Variants in SELENOS observed in about 807,000 individuals in gnomAD.
SELENOS encodes VCP interacting membrane selenoprotein.
SELENOS carries 37 observed loss-of-function variants against 30.2 expected under a neutral mutation model. The observed-to-expected ratio is 1.23, with a 90% confidence interval of 0.94 to 1.61. SELENOS has a LOEUF of 1.61. Among genes scored for constraint, SELENOS ranks in the 40% most tolerant of loss-of-function variants. The pLI is 0.00. For synonymous variants in SELENOS, 119 were observed against 91.6 expected (o/e 1.30, Z -1.71); for missense variants, 289 against 231.8 (o/e 1.25, Z -1.60).
chr15:101,276,389 C>A lies in SELENOS; in HGVS notation c.211+152G>T, dbSNP rs1041048605. ...TCAGCCTCCTGAGCAGCTGGGACTA[C>A]AGGTGCGTGCCGCCACTCCCGGCTA... On this transcript the variant is annotated intron_variant, in intron 2 of 5. Transcript: ENST00000526049. The A allele has an allele frequency of 4.7e-6, 5 of 1,052,746 alleles. No homozygotes were observed. The Admixed American group carries it at 1.7e-4, about 36-fold the overall frequency. The allele number at this position is 1,052,746 out of a possible 1,614,324, so 65.2% of individuals were successfully genotyped here. A position where few individuals can be genotyped will look rare whatever the true frequency, so the allele number is the denominator to read the frequency against.
intron 3 of SELENOS, chr15:101,274,944 G>T: frequency 1.7e-6 from 1 of 577,594 alleles, no homozygotes; most frequent in East Asian, 3.0e-5. Flanking sequence ...ACTCCTGTCA[G>T]GACATTTTTG....
Position 101,276,428 on chromosome 15 carries a change from T to TA in SELENOS, c.211+112dup, listed in dbSNP as rs1567120011. The TA allele has an allele frequency of 3.1e-6, 4 of 1,289,898 alleles. No homozygotes were observed. The African/African-American group carries it at 4.6e-5, about 15-fold the overall frequency. The allele number at this position is 1,289,898 out of a possible 1,614,324, so 79.9% of individuals were successfully genotyped here. A position where few individuals can be genotyped will look rare whatever the true frequency, so the allele number is the denominator to read the frequency against. On this transcript the variant is annotated intron_variant, in intron 2 of 5. Coordinates refer to ENST00000526049, the MANE Select transcript of SELENOS (RefSeq NM_018445.6). ...CACTCCCGGCTATTTTTTTTTTTTTTAAATAGAGACAGGGTCTTCCTGTGT... is the reference window on the plus strand; with the variant it reads ...CACTCCCGGCTATTTTTTTTTTTTTTAAAATAGAGACAGGGTCTTCCTGTGT...
intron 1 of SELENOS, 197 bp downstream of exon 1, chr15:101,277,145 G>T: frequency 1.1e-6 from 1 of 939,670 alleles, no homozygotes; most frequent in Non-Finnish European, 1.7e-6. Context: ...CAGCCGAGCC[G>T]CCCAGGGAAG....
intron 1 of SELENOS, 55 bp downstream of exon 1, chr15:101,277,287 T>C (rs1371128227): frequency 2.0e-6 from 3 of 1,514,296 alleles, no homozygotes; most frequent in Non-Finnish European, 2.6e-6. Context: ...CCACCCATCA[T>C]GGCTGCGCGT....
downstream of SELENOS, among the ~76,000 whole-genome samples, chr15:101,271,857 G>A (rs997882588): frequency 1.3e-5 from 2 of 152,168 alleles, no homozygotes; most frequent in African/African-American, 2.4e-5. Context: ...CTAAGACTAT[G>A]TGACAGAGAT....
At position 101,272,499 on chromosome 15, in the gene SELENOS, A is replaced by T; in HGVS notation, c.*272T>A. ...GCCTCTTTTATCAAGATTGCTAATC[A>T]TCTAGAGGCCTTTACCTACCAACTA... On this transcript the variant is annotated 3_prime_UTR_variant, in exon 6 of 6. Coordinates refer to ENST00000526049, the MANE Select transcript of SELENOS (RefSeq NM_018445.6). 1 of 377,872 alleles carries T rather than the reference A, an allele frequency of 2.6e-6. No homozygotes were observed. Among genetic ancestry groups the T allele is most frequent in the Non-Finnish European group, 4.9e-6 (1 of 205,134 alleles). 23.4% of individuals were successfully genotyped at this position (377,872 alleles called of 1,614,324 possible). A position where few individuals can be genotyped will look rare whatever the true frequency, so the allele number is the denominator to read the frequency against.
At chr15:101,275,601 T>C (rs2039317449) in intron 2 of SELENOS, among the ~76,000 whole-genome samples, 1 of 152,146 alleles carries the variant, frequency 6.6e-6, no homozygotes. Flanking sequence ...CTGTTAGAAA[T>C]GCCAATTTCT....
chr15:101,277,381 C>A lies in SELENOS; in HGVS notation c.37G>T (p.Ala13Ser). ...AAGCGCAGCCCCTCGGTCTCCAGGG[C>A]CGGCCGCGCGGACAGAGACTCCTCT... is the stretch of plus-strand genomic sequence containing the variant. Reference protein sequence around the residue: ...RQEESLSARPALETEGLRFLH... With the variant: ...RQEESLSARPSLETEGLRFLH... The change falls in exon 1 of 6, where the codon GCC (alanine) becomes TCC (serine). Residue 13 changes from alanine to serine, a missense_variant. By Grantham distance (99) the Ala-to-Ser change is moderately conservative. Transcript: ENST00000526049. The A allele has an allele frequency of 1.3e-6, 2 of 1,506,690 alleles. No individual in the cohort carries two copies. Among genetic ancestry groups the A allele is most frequent in the Non-Finnish European group, 1.8e-6 (2 of 1,135,338 alleles). The allele number at this position is 1,506,690 out of a possible 1,614,324, so 93.3% of individuals were successfully genotyped here.
At chr15:101,276,340 C>G (rs2141298824) in intron 2 of SELENOS, 2 of 535,164 alleles carry the variant, frequency 3.7e-6, no homozygotes, top group East Asian at 3.7e-5. Flanking sequence ...CTTTGACTCC[C>G]TGGACTCAAG....
Position 101,274,693 on chromosome 15 carries a change from T to C in SELENOS, c.319-12A>G, listed in dbSNP as rs79533106. 6 of 1,606,782 alleles carry C rather than the reference T, an allele frequency of 3.7e-6. No homozygotes were observed. The Admixed American group carries it at 6.8e-5, about 18-fold the overall frequency. On this transcript the variant is annotated splice_polypyrimidine_tract_variant and intron_variant, in intron 3 of 5. Transcript: ENST00000526049. ...TTTTCTTCTTCAAGCTGAGAAACAATCACATTTTACAGAAAGAATTCAGAA... is the reference window on the plus strand; with the variant it reads ...TTTTCTTCTTCAAGCTGAGAAACAACCACATTTTACAGAAAGAATTCAGAA...
chr15:101,276,607 G>C lies in SELENOS; in HGVS notation c.145C>G (p.Gln49Glu). 1 of 1,613,836 alleles carries C rather than the reference G, an allele frequency of 6.2e-7. No homozygotes were observed. The highest frequency in any genetic ancestry group is 8.5e-7 in the Non-Finnish European group (1 of 1,179,856). The change falls in exon 2 of 6, where the codon CAG becomes GAG. Residue 49 changes from glutamine (Q) to glutamate (E), a missense_variant. Gln to Glu is a conservative substitution (Grantham distance 29). Transcript: ENST00000526049. ...FSCILLYVVF[Q>E]KLSARLRALR... ...GCTCTTAGCCGGGCGGAAAGCTTCT[G>C]AAAGACCACGTAGAGAAGGATGCAG... is the stretch of plus-strand genomic sequence containing the variant.
intron 2 of SELENOS, 126 bp downstream of exon 2, chr15:101,276,414 AT>A (rs57981941): frequency 0.19 from 170,897 of 896,216 alleles, no homozygotes; most frequent in East Asian, 0.21. Flanking sequence ...ACTCCCGGCT[AT>A]TTTTTTTTTT....
rs536067227 is a variant in SELENOS at position 101,274,561 on chromosome 15, C to G, written c.408+31G>C. ...ATTCTACTTGGCAATCTTCATCTACCGCATGCCAGCCGGCCGAGGTCTCCA... is the reference window on the plus strand; with the variant it reads ...ATTCTACTTGGCAATCTTCATCTACGGCATGCCAGCCGGCCGAGGTCTCCA... On this transcript the variant is annotated intron_variant, in intron 4 of 5. Transcript: ENST00000526049. 3.7e-6 allele frequency: 6 copies of G among 1,610,908 alleles called. No individual in the cohort carries two copies. In the South Asian group the frequency reaches 6.6e-5, roughly 18 times the overall value.
intron 2 of SELENOS, 74 bp downstream of exon 2, chr15:101,276,461 CTTACTT>C (rs2039327984): frequency 7.0e-7 from 1 of 1,425,132 alleles, no homozygotes; most frequent in Non-Finnish European, 9.2e-7. Flanking sequence ...TGTGGCCCCT[CTTACTT>C]TTACTAAGAG....
Position 101,272,504 on chromosome 15 carries a change from G to C in SELENOS, c.*267C>G, listed in dbSNP as rs1321990293. The C allele has an allele frequency of 7.7e-6, 3 of 390,410 alleles. No homozygotes were observed. Among genetic ancestry groups the C allele is most frequent in the African/African-American group, 6.1e-5 (3 of 49,076 alleles). 24.2% of individuals were successfully genotyped at this position (390,410 alleles called of 1,614,324 possible). The stretch of plus-strand genomic sequence containing the variant: ...TTTTATCAAGATTGCTAATCATCTA[G>C]AGGCCTTTACCTACCAACTAGCAAT... On this transcript the variant is annotated 3_prime_UTR_variant, in exon 6 of 6. Coordinates refer to ENST00000526049, the MANE Select transcript of SELENOS (RefSeq NM_018445.6).
At chr15:101,277,124 CA>C (rs2039337156) in intron 1 of SELENOS, 1 of 829,868 alleles carries the variant, frequency 1.2e-6, no homozygotes, top group Admixed American at 2.1e-5. Flanking sequence ...AAGACTTGCG[CA>C]AACAAGGGAC....
intron 1 of SELENOS, 121 bp downstream of exon 1, chr15:101,277,221 C>T (rs968294779): frequency 1.3e-6 from 2 of 1,485,250 alleles, no homozygotes; most frequent in Non-Finnish European, 9.1e-7. Flanking sequence ...TAAGCGCCAA[C>T]GCCCGACCGT....
rs2039344720 is a variant in SELENOS at position 101,277,430 on chromosome 15, C to CGCCGCCGCCCAGCCCT, written c.-29_-14dup. 7.5e-6 allele frequency: 11 copies of CGCCGCCGCCCAGCCCT among 1,463,356 alleles called. No homozygotes were observed. The highest frequency in any genetic ancestry group is 9.9e-6 in the Non-Finnish European group (11 of 1,115,076). The allele number at this position is 1,463,356 out of a possible 1,614,324, so 90.6% of individuals were successfully genotyped here. ...CTTGGCGTTCCATGACCGCCGCCGC[C>CGCCGCCGCCCAGCCCT]GCCGCCGCCCAGCCCTGCCGCCGCG... On this transcript the variant is annotated 5_prime_UTR_variant, in exon 1 of 6. Transcript: ENST00000526049.
chr15:101,277,108 G>T (rs911883029), intron 1 of SELENOS: 3 of 776,166 alleles, frequency 3.9e-6, no homozygotes, highest in Non-Finnish European at 6.4e-6. Flanking sequence ...GGCTTGGTTC[G>T]CAAAAAAGAC....
Sources: gnomAD v4.1 joint callset for allele counts (sites outside exome capture counted in the v4.1 genomes callset) on GRCh38, gnomAD v4.1.1 for gene constraint, MANE v1.5 for transcripts, NCBI Gene and HGNC (gene_info 2026-07-23, HGNC 2026-07-21) for gene names.